CTNND2: variants seen among roughly 807,000 people sequenced by gnomAD.
CTNND2 encodes the protein catenin delta-2.
CTNND2 carries 22 observed loss-of-function variants against 144.4 expected under a neutral mutation model. The ratio of observed to expected loss-of-function variants is 0.15; its 90% CI spans 0.11 to 0.22. CTNND2 has a LOEUF of 0.22. Among genes scored for constraint, CTNND2 ranks in the 10% least tolerant of loss-of-function variants. The probability of loss-of-function intolerance (pLI) is 1.00; values close to 1 mark genes in which losing one functional copy is unlikely to be tolerated. For missense variants in CTNND2, 1,353 were observed against 1,618.8 expected (o/e 0.84, Z 2.82); for synonymous variants, 751 against 695.6 (o/e 1.08, Z -1.25).
intron 3 of CTNND2, among the ~76,000 whole-genome samples, chr5:11,450,349 A>T (rs1399348426): frequency 6.6e-6 from 1 of 152,192 alleles, no homozygotes; most frequent in Non-Finnish European, 1.5e-5. Context: ...ATGTCACACC[A>T]TGCAACAGAA....
chr5:11,427,662 A>G (rs1391919607), intron 3 of CTNND2, among the ~76,000 whole-genome samples: 1 of 152,086 alleles, frequency 6.6e-6, no homozygotes, highest in Non-Finnish European at 1.5e-5. Context: ...CTGACCTCAA[A>G]TGACCACTGT....
At chr5:11,271,710 T>A (rs1261860231) in intron 9 of CTNND2, among the ~76,000 whole-genome samples, 1 of 152,172 alleles carries the variant, frequency 6.6e-6, no homozygotes, top group Non-Finnish European at 1.5e-5. Flanking sequence ...CCTTTAAATA[T>A]CTCATATCAT....
chr5:11,123,620 A>C (rs1413037707), intron 12 of CTNND2, among the ~76,000 whole-genome samples: 1 of 152,214 alleles, frequency 6.6e-6, no homozygotes, highest in African/African-American at 2.4e-5. Flanking sequence ...TGGCTTCTCA[A>C]ACCTATGCTC....
At chr5:11,436,850 A>G (rs1763820213) in intron 3 of CTNND2, among the ~76,000 whole-genome samples, 1 of 152,228 alleles carries the variant, frequency 6.6e-6, no homozygotes, top group Admixed American at 6.5e-5. Flanking sequence ...ACAGCACCTC[A>G]GTTTATTGAC....
chr5:11,715,441 T>A (rs1421927680), intron 2 of CTNND2, among the ~76,000 whole-genome samples: 2 of 152,222 alleles, frequency 1.3e-5, no homozygotes, highest in African/African-American at 4.8e-5. Flanking sequence ...AATTTTTCAA[T>A]GTATTCTCCA....
intron 3 of CTNND2, among the ~76,000 whole-genome samples, chr5:11,413,404 TCAGAA>T (rs1481493331): frequency 6.6e-6 from 1 of 152,162 alleles, no homozygotes; most frequent in Non-Finnish European, 1.5e-5. Flanking sequence ...AATTCAAAAA[TCAGAA>T]CCATAGTTAT....
chr5:11,486,858 T>G (rs1434681721), intron 3 of CTNND2, among the ~76,000 whole-genome samples: 2 of 152,222 alleles, frequency 1.3e-5, no homozygotes, highest in African/African-American at 4.8e-5. Flanking sequence ...ACCTGCTGAG[T>G]AGTTATGTTT....
At chr5:11,344,601 A>G (rs1426606429) in intron 9 of CTNND2, among the ~76,000 whole-genome samples, 2 of 152,002 alleles carry the variant, frequency 1.3e-5, no homozygotes, top group Admixed American at 1.3e-4. Flanking sequence ...GTCTGAGCTC[A>G]GGATGAACTT....
At position 11,062,945 on chromosome 5, in the gene CTNND2, G is replaced by A. The variant is rs371120703; in HGVS notation, c.2788+19751C>T. Among the ~76,000 whole-genome samples, 9 of 152,306 alleles carry A rather than the reference G, an allele frequency of 5.9e-5. No homozygotes were observed. In the East Asian group the frequency reaches 1.2e-3, roughly 20 times the overall value. On this transcript the variant is annotated intron_variant, in intron 16 of 21. Transcript: ENST00000304623. ...TTAATGCCAGTGTCTGGGTTAAGGA[G>A]GAACAACCATGATGATGGACAATTC...
At chr5:11,348,966 C>G (rs183771) in intron 8 of CTNND2, among the ~76,000 whole-genome samples, 88,995 of 151,910 alleles carry the variant, frequency 0.59, 26,583 homozygotes, top group Admixed American at 0.7. Context: ...TCACTTTAGA[C>G]CCTTTCAGGG....
intron 1 of CTNND2, among the ~76,000 whole-genome samples, chr5:11,798,145 C>G (rs73052791): frequency 0.087 from 13,169 of 151,346 alleles, 1,687 homozygotes; most frequent in African/African-American, 0.28. Flanking sequence ...GCCTGTAGTC[C>G]GGGTTACTCA....
intron 8 of CTNND2, among the ~76,000 whole-genome samples, chr5:11,350,456 G>T (rs908998992): frequency 2.6e-5 from 4 of 152,074 alleles, no homozygotes; most frequent in African/African-American, 9.6e-5. Flanking sequence ...GCTGGGATAT[G>T]AAATCTAAGA....
intron 18 of CTNND2, among the ~76,000 whole-genome samples, chr5:11,015,549 A>G (rs1580046575): frequency 6.6e-6 from 1 of 152,318 alleles, no homozygotes; most frequent in East Asian, 1.9e-4. Flanking sequence ...ATGGAAATAG[A>G]CAGACAATTA....
intron 2 of CTNND2, among the ~76,000 whole-genome samples, chr5:11,596,253 TAA>T (rs1561604032): frequency 6.6e-6 from 1 of 152,230 alleles, no homozygotes; most frequent in South Asian, 2.1e-4. Context: ...CACCCAGCAT[TAA>T]GAGTGGCATT....
intron 2 of CTNND2, among the ~76,000 whole-genome samples, chr5:11,587,088 T>C (rs2150138043): frequency 6.6e-6 from 1 of 152,270 alleles, no homozygotes; most frequent in Non-Finnish European, 1.5e-5. Flanking sequence ...TCCTATAGTT[T>C]GAAGACTTAG....
intron 2 of CTNND2, among the ~76,000 whole-genome samples, chr5:11,684,391 C>G (rs113182801): frequency 6.6e-6 from 1 of 152,020 alleles, no homozygotes; most frequent in Admixed American, 6.6e-5. Flanking sequence ...CGTGAGCCAC[C>G]GCAGCCGGCC....
chr5:11,319,637 T>C (rs1465240738), intron 9 of CTNND2, among the ~76,000 whole-genome samples: 1 of 152,066 alleles, frequency 6.6e-6, no homozygotes, highest in Non-Finnish European at 1.5e-5. Context: ...CCTCCTGCCT[T>C]AGCCTCCCAA....
chr5:11,440,709 G>C lies in CTNND2; in HGVS notation c.288-28640C>G, dbSNP rs191572500. Reference sequence around the variant, plus strand: ...TTCATTGCTAGAATAATGCTAGAGGGCCAACATATATATTTGTACATAGTT... The same window carrying C: ...TTCATTGCTAGAATAATGCTAGAGGCCCAACATATATATTTGTACATAGTT... On this transcript the variant is annotated intron_variant, in intron 3 of 21. Coordinates refer to ENST00000304623, the MANE Select transcript of CTNND2 (RefSeq NM_001332.4). Among the ~76,000 whole-genome samples, 504 of 152,170 alleles carry C rather than the reference G, an allele frequency of 3.3e-3. 4 individuals are homozygous for C. The highest frequency in any genetic ancestry group is 2.6e-3 in the Non-Finnish European group (177 of 68,012).
intron 9 of CTNND2, among the ~76,000 whole-genome samples, chr5:11,324,258 A>T (rs1433791583): frequency 1.3e-5 from 2 of 152,198 alleles, no homozygotes; most frequent in Admixed American, 1.3e-4. Context: ...AAAACGAGCC[A>T]AAACAATTAG....
Sources: gnomAD v4.1 joint callset for allele counts (sites outside exome capture counted in the v4.1 genomes callset) on GRCh38, gnomAD v4.1.1 for gene constraint, MANE v1.5 for transcripts, NCBI Gene and HGNC (gene_info 2026-07-23, HGNC 2026-07-21) for gene names.